ADGRL2: variants seen among roughly 807,000 people sequenced by gnomAD.
The protein encoded by ADGRL2 is calcium-independent alpha-latrotoxin receptor 2.
A neutral mutation model predicts 157.4 loss-of-function variants in ADGRL2; 44 were observed. The observed-to-expected ratio is 0.28, with a 90% CI of 0.22 to 0.36. The LOEUF (loss-of-function observed/expected upper bound fraction) is 0.36. Ranked by LOEUF, ADGRL2 falls within the 10% of genes least tolerant of loss-of-function variation. ADGRL2 has a pLI of 1.00. For missense variants in ADGRL2, 1,510 were observed against 1,768.9 expected, an observed-to-expected ratio of 0.85 and a Z score of 2.63; for synonymous variants, 585 against 624.7, an observed-to-expected ratio of 0.94 and a Z score of 0.95.
At chr1:81,446,353 C>T (rs1379438982) in intron 2 of ADGRL2, among the ~76,000 whole-genome samples, 2 of 152,122 alleles carry the variant, frequency 1.3e-5, no homozygotes, top group Admixed American at 6.6e-5. Context: ...AACAAAAAGC[C>T]TTTCAGGGGA....
chr1:81,987,483 A>G, intron 22 of ADGRL2: 1 of 734,072 alleles, frequency 1.4e-6, no homozygotes, highest in Non-Finnish European at 2.5e-6. Context: ...TATCCAAACT[A>G]TAGTATAGTG....
intron 3 of ADGRL2, among the ~76,000 whole-genome samples, chr1:81,653,128 T>C (rs2082455522): frequency 6.6e-6 from 1 of 152,136 alleles, no homozygotes; most frequent in Admixed American, 6.5e-5. Context: ...TATACATATA[T>C]ATTCAAAATA....
At chr1:81,632,754 CA>C (rs34612206) in intron 3 of ADGRL2, among the ~76,000 whole-genome samples, 9,622 of 112,012 alleles carry the variant, frequency 0.086, 439 homozygotes, top group East Asian at 0.27. Flanking sequence ...GACTCCGTCT[CA>C]AAAAAAAAAA....
intron 2 of ADGRL2, among the ~76,000 whole-genome samples, chr1:81,873,217 T>C (rs1021443373): frequency 1.3e-5 from 2 of 152,062 alleles, no homozygotes; most frequent in African/African-American, 4.8e-5. Context: ...TGAGTATAAA[T>C]GAAACTGAAA....
chr1:81,780,365 C>A (rs185314516), intron 2 of ADGRL2, among the ~76,000 whole-genome samples: 48 of 152,068 alleles, frequency 3.2e-4, no homozygotes, highest in Admixed American at 1.4e-3. Context: ...TATTCCTGAC[C>A]AAGCCATGTA....
intron 1 of ADGRL2, among the ~76,000 whole-genome samples, chr1:81,801,275 C>T (rs1431992732): frequency 6.6e-6 from 1 of 152,174 alleles, no homozygotes; most frequent in Non-Finnish European, 1.5e-5. Flanking sequence ...TCCTTTGACG[C>T]TGTACACGCT....
intron 2 of ADGRL2, among the ~76,000 whole-genome samples, chr1:81,481,287 G>A (rs1050552637): frequency 1.3e-5 from 2 of 152,180 alleles, no homozygotes; most frequent in Non-Finnish European, 1.5e-5. Context: ...AGGCTTTCCC[G>A]GTCAAATTCA....
intron 2 of ADGRL2, among the ~76,000 whole-genome samples, chr1:81,774,605 C>T (rs1310377246): frequency 6.6e-6 from 1 of 152,128 alleles, no homozygotes; most frequent in Non-Finnish European, 1.5e-5. Flanking sequence ...TACATCGTTG[C>T]TTATTTTTGC....
At chr1:81,455,770 C>T (rs959562181) in intron 2 of ADGRL2, among the ~76,000 whole-genome samples, 12 of 152,066 alleles carry the variant, frequency 7.9e-5, no homozygotes, top group Non-Finnish European at 1.5e-4. Context: ...CAGCATCAAG[C>T]GCTCAGAGGA....
intron 1 of ADGRL2, among the ~76,000 whole-genome samples, chr1:81,380,448 A>C (rs575024196): frequency 9.9e-4 from 151 of 152,294 alleles, no homozygotes; most frequent in African/African-American, 3.3e-3. Context: ...TTCTAAACAA[A>C]GATCTAGCTA....
chr1:81,443,262 A>G (rs945793878), intron 1 of ADGRL2, among the ~76,000 whole-genome samples: 10 of 152,214 alleles, frequency 6.6e-5, no homozygotes, highest in African/African-American at 1.9e-4. Context: ...CTCTACTAAA[A>G]ATACAAAAAA....
Position 81,800,981 on chromosome 1 carries a change from G to A in ADGRL2, c.-188G>A, listed in dbSNP as rs1482618069. 6.7e-6 allele frequency among the ~76,000 whole-genome samples: 1 copy of A among 149,844 alleles called. No homozygotes were observed. Among genetic ancestry groups the A allele is most frequent in the Non-Finnish European group, 1.5e-5 (1 of 67,308 alleles). The stretch of plus-strand genomic sequence containing the variant: ...CCGCCACCGCCGCCCGGACAGCCCT[G>A]CGGCCGCCCCGCCGGCGGAGCCGGG... On this transcript the variant is annotated 5_prime_UTR_variant, in exon 1 of 24. Transcript: ENST00000686636.
intron 2 of ADGRL2, among the ~76,000 whole-genome samples, chr1:81,889,545 A>G (rs1279044869): frequency 1.3e-5 from 2 of 151,070 alleles, no homozygotes; most frequent in African/African-American, 4.8e-5. Flanking sequence ...GGCTGAAGGA[A>G]AGAAGCCATT....
intron 3 of ADGRL2, among the ~76,000 whole-genome samples, chr1:81,919,413 C>T (rs539161437): frequency 2.0e-5 from 3 of 152,108 alleles, no homozygotes; most frequent in Non-Finnish European, 4.4e-5. Context: ...CCTTCTTCTC[C>T]TCCTAATTTT....
rs138002220 is a variant in ADGRL2 at position 81,990,470 on chromosome 1, G to A, written c.3735G>A (p.Ser1245=). The change falls in exon 24 of 24, where the codon TCG becomes TCA. Residue 1245 remains serine (S), a synonymous_variant. Coordinates refer to ENST00000686636, the MANE Select transcript of ADGRL2 (RefSeq NM_001366006.2). ...PLNGNFNNSY[S]LHKGDYNDSV... is the part of the protein sequence containing the mutation. ...ATGGTAATTTTAACAACAGCTACTC[G>A]CTGCACAAGGGTGACTATAATGACA... 3.3e-4 allele frequency: 535 copies of A among 1,614,056 alleles called. 4 individuals carry two copies. In the African/African-American group the frequency reaches 6.3e-3, roughly 19 times the overall value.
chr1:81,422,187 CTTT>C (rs33976349), intron 1 of ADGRL2, among the ~76,000 whole-genome samples: 10 of 151,564 alleles, frequency 6.6e-5, no homozygotes, highest in African/African-American at 1.5e-4. Context: ...TCTCAAACTT[CTTT>C]TTTTTTTAAC....
chr1:81,802,725 C>G (rs576379568), intron 1 of ADGRL2, among the ~76,000 whole-genome samples: 1 of 152,136 alleles, frequency 6.6e-6, no homozygotes, highest in East Asian at 1.9e-4. Flanking sequence ...CTTTGCCCTC[C>G]GGTCCCGCAC....
intron 2 of ADGRL2, among the ~76,000 whole-genome samples, chr1:81,543,620 T>C (rs922164572): frequency 8.5e-5 from 13 of 152,230 alleles, no homozygotes; most frequent in African/African-American, 3.1e-4. Flanking sequence ...CGCCTTTCAC[T>C]GGGTTACTAC....
intron 12 of ADGRL2, 36 bp from the exon 13 acceptor site, chr1:81,966,368 T>G (rs1156481119): frequency 6.3e-7 from 1 of 1,588,150 alleles, no homozygotes; most frequent in Admixed American, 1.7e-5. Context: ...ACAAGCATGT[T>G]TTTTGTACAT....
Sources: allele counts gnomAD v4.1 joint callset (sites outside exome capture counted in the v4.1 genomes callset), GRCh38; gene constraint gnomAD v4.1.1; transcripts MANE v1.5; gene names NCBI Gene and HGNC (gene_info 2026-07-23, HGNC 2026-07-21).